The following APOC4 variants were observed in gnomAD, a reference collection of about 807,000 sequenced individuals.
The protein encoded by APOC4 is apolipoprotein C-IV.
A neutral mutation model predicts 8.4 loss-of-function variants in APOC4; 10 were observed. The observed-to-expected ratio is 1.19, with a 90% confidence interval of 0.74 to 2.03. The LOEUF (loss-of-function observed/expected upper bound fraction) is 2.03, where lower values mean the gene tolerates loss of function less well. APOC4 is among the 30% of genes most tolerant of loss of function. APOC4 has a pLI of 0.00. For missense variants in APOC4, 160 were observed against 156.1 expected (o/e 1.02, Z -0.13); for synonymous variants, 59 against 65.8 (o/e 0.90, Z 0.50).
intron 1 of APOC4, among the ~76,000 whole-genome samples, chr19:44,944,145 G>A (rs1970290200): frequency 6.6e-6 from 1 of 152,140 alleles, no homozygotes; most frequent in Non-Finnish European, 1.5e-5. Context: ...AAAATCAGGT[G>A]GTGAAGGGAG....
intron 1 of APOC4, among the ~76,000 whole-genome samples, chr19:44,942,578 G>A (rs989981906): frequency 3.3e-5 from 5 of 151,612 alleles, no homozygotes; most frequent in East Asian, 1.9e-4. Context: ...GTGCACGTGC[G>A]TGCGTGGAAG....
Position 44,945,479 on chromosome 19 carries a change from A to C in APOC4, c.*174A>C. ...AAAAAAAGTTCATACTTCTCCAATA[A>C]ATAAAGTCTCACCTGTGTCCCTGTC... On this transcript the variant is annotated 3_prime_UTR_variant, in exon 3 of 3. Transcript: ENST00000592954. 4.8e-6 allele frequency: 3 copies of C among 623,162 alleles called. No homozygotes were observed. The highest frequency in any genetic ancestry group is 1.9e-5 in the African/African-American group (1 of 53,500). The allele number at this position is 623,162 out of a possible 1,614,324, so 38.6% of individuals were successfully genotyped here.
chr19:44,944,262 G>A (rs909706202), intron 1 of APOC4, among the ~76,000 whole-genome samples: 4 of 152,100 alleles, frequency 2.6e-5, no homozygotes, highest in African/African-American at 7.2e-5. Flanking sequence ...AGCCGGACGG[G>A]GTGGCTCACA....
chr19:44,944,872 A>T lies in APOC4; in HGVS notation c.200A>T (p.Asp67Val). The part of the protein sequence containing the change: ...LLETVVNRTR[D>V]GWQWFWSPST... ...GAGACAGTGGTGAACAGGACCAGAG[A>T]CGGGTGGCAATGGTTCTGGTGAGGG... Residue 67 changes from aspartate (D) to valine (V), a missense_variant, in exon 2 of 3, where the codon GAC (aspartate) becomes GTC (valine). Asp to Val is a radical substitution (Grantham distance 152, BLOSUM62 -3). Coordinates refer to ENST00000592954, the MANE Select transcript of APOC4 (RefSeq NM_001646.3). 1 of 1,606,736 alleles carries T rather than the reference A, an allele frequency of 6.2e-7. No homozygotes were observed. Among genetic ancestry groups the T allele is most frequent in the South Asian group, 1.1e-5 (1 of 89,798 alleles).
chr19:44,942,381 G>A (rs375003470), intron 1 of APOC4, 28 bp downstream of exon 1: 14 of 1,609,124 alleles, frequency 8.7e-6, no homozygotes, highest in East Asian at 2.2e-5. Context: ...GAGGGATGTG[G>A]GGCCCACACC....
Position 44,942,263 on chromosome 19 carries a change from A to G in APOC4, c.-15A>G, listed in dbSNP as rs2122196823. ...GAGTTGAGCACAGAGGGACAGAGGCACGGAACCCCCAGAAATGTCCCTCCT... is the reference window on the plus strand; with the variant it reads ...GAGTTGAGCACAGAGGGACAGAGGCGCGGAACCCCCAGAAATGTCCCTCCT... On this transcript the variant is annotated 5_prime_UTR_variant, in exon 1 of 3. Transcript: ENST00000592954. The G allele has an allele frequency of 4.4e-6, 7 of 1,604,956 alleles. No individual in the cohort carries two copies. Among genetic ancestry groups the G allele is most frequent in the Non-Finnish European group, 6.0e-6 (7 of 1,175,674 alleles).
chr19:44,943,144 A>G (rs947016754), intron 1 of APOC4, among the ~76,000 whole-genome samples: 6 of 151,888 alleles, frequency 4.0e-5, no homozygotes, highest in Non-Finnish European at 5.9e-5. Flanking sequence ...GATGGTCTCC[A>G]TATCCTGACC....
intron 1 of APOC4, among the ~76,000 whole-genome samples, chr19:44,943,494 C>G (rs982312418): frequency 1.3e-5 from 2 of 151,752 alleles, no homozygotes; most frequent in Non-Finnish European, 2.9e-5. Flanking sequence ...GAGGCCGAGG[C>G]GGGTGGATCG....
At position 44,945,341 on chromosome 19, in the gene APOC4, G is replaced by A. The variant is rs1465472867; in HGVS notation, c.*36G>A. Reference sequence around the variant, plus strand: ...AAAGCCAGGTGTGGTTGTGGCGGGTGCCTGTAGTCCCAGCTACTCAGGAGG... The same window carrying A: ...AAAGCCAGGTGTGGTTGTGGCGGGTACCTGTAGTCCCAGCTACTCAGGAGG... On this transcript the variant is annotated 3_prime_UTR_variant, in exon 3 of 3. Transcript: ENST00000592954. 5 of 1,590,604 alleles carry A rather than the reference G, an allele frequency of 3.1e-6. No homozygotes were observed. Among genetic ancestry groups the A allele is most frequent in the African/African-American group, 1.3e-5 (1 of 74,568 alleles).
In APOC4 at chr19:44,944,782, G is replaced by GC. The variant is rs1165296195; in HGVS notation, c.116dup (p.Pro40ThrfsTer48). ...CCAGAGGCCCAGGAAGGAACCCTGA[G>GC]CCCCCCACCAAAGCTAAAGATGAGT... On this transcript the variant is annotated frameshift_variant, in exon 2 of 3. Transcript: ENST00000592954. LOFTEE classifies it high-confidence loss of function. 6.2e-7 allele frequency: 1 copy of GC among 1,611,774 alleles called. No homozygotes were observed. The highest frequency in any genetic ancestry group is 1.7e-4 in the Middle Eastern group (1 of 5,938).
At chr19:44,944,300 G>A (rs941232675) in intron 1 of APOC4, among the ~76,000 whole-genome samples, 9 of 152,110 alleles carry the variant, frequency 5.9e-5, no homozygotes, top group East Asian at 1.9e-4. Flanking sequence ...TTGGGAGCCC[G>A]AGGTGGGTGG....
chr19:44,944,420 G>A (rs950992930), intron 1 of APOC4, among the ~76,000 whole-genome samples: 7 of 152,046 alleles, frequency 4.6e-5, no homozygotes, highest in Admixed American at 2.0e-4. Context: ...CCTGCTACTC[G>A]GGAGGCTGAG....
rs932258351 is a variant in APOC4 at position 44,945,131 on chromosome 19, C to G, written c.219-9C>G. On this transcript the variant is annotated splice_polypyrimidine_tract_variant and intron_variant, in intron 2 of 2. Coordinates refer to ENST00000592954, the MANE Select transcript of APOC4 (RefSeq NM_001646.3). ...TGGGGCCTCCACTGTGATGTCCTCT[C>G]TCCTGTAGGAGCCCGAGCACCTTCC... The G allele has an allele frequency of 1.2e-6, 2 of 1,612,830 alleles. No homozygotes were observed. The highest frequency in any genetic ancestry group is 2.7e-5 in the African/African-American group (2 of 74,888).
rs12691090 is a variant in APOC4 at position 44,944,873 on chromosome 19, C to T, written c.201C>T (p.Asp67=). ...AGACAGTGGTGAACAGGACCAGAGA[C>T]GGGTGGCAATGGTTCTGGTGAGGGT... ...LLETVVNRTR[D]GWQWFWSPST... Residue 67 remains aspartate, a synonymous_variant, in exon 2 of 3, where the codon GAC becomes GAT. Coordinates refer to ENST00000592954, the MANE Select transcript of APOC4 (RefSeq NM_001646.3). The T allele has an allele frequency of 1.5e-3, 2,432 of 1,606,380 alleles. 27 individuals carry two copies. The African/African-American group carries it at 0.026, about 17-fold the overall frequency.
chr19:44,942,472 C>T (rs953992456), intron 1 of APOC4, 119 bp downstream of exon 1: 69 of 873,518 alleles, frequency 7.9e-5, no homozygotes, highest in Non-Finnish European at 1.0e-4. Flanking sequence ...CGTTTCATGG[C>T]GTGCGTATGC....
chr19:44,942,249 A>G lies in APOC4; in HGVS notation c.-29A>G, dbSNP rs76214972. On this transcript the variant is annotated 5_prime_UTR_variant, in exon 1 of 3. Transcript: ENST00000592954. ...TCCCCCGGCCCGCAGAGTTGAGCAC[A>G]GAGGGACAGAGGCACGGAACCCCCA... The G allele has an allele frequency of 0.028, 44,804 of 1,588,376 alleles. 772 individuals are homozygous for G. Among genetic ancestry groups the G allele is most frequent in the Non-Finnish European group, 0.034 (39,369 of 1,166,496 alleles).
At chr19:44,944,654 G>A in intron 1 of APOC4, 95 bp from the exon 2 acceptor site, 2 of 1,456,256 alleles carry the variant, frequency 1.4e-6, no homozygotes, top group Non-Finnish European at 1.8e-6. Flanking sequence ...GCTGCCCCTG[G>A]GCCACCGGGA....
At chr19:44,944,991 G>T in intron 2 of APOC4, 101 bp downstream of exon 2, 1 of 1,523,464 alleles carries the variant, frequency 6.6e-7, no homozygotes, top group Non-Finnish European at 8.8e-7. Flanking sequence ...GGAAAGGGTG[G>T]GAGTGGGGCT....
intron 1 of APOC4, 102 bp downstream of exon 1, chr19:44,942,455 G>T: frequency 8.5e-7 from 1 of 1,170,844 alleles, no homozygotes; most frequent in Non-Finnish European, 1.2e-6. Context: ...TGAGTACGGA[G>T]TGTGTGCGTT....
Sources: gnomAD v4.1 joint callset for allele counts (sites outside exome capture counted in the v4.1 genomes callset) on GRCh38, gnomAD v4.1.1 for gene constraint, MANE v1.5 for transcripts, NCBI Gene and HGNC (gene_info 2026-07-23, HGNC 2026-07-21) for gene names.